CHD5: variants seen among roughly 807,000 people sequenced by gnomAD.
CHD5 encodes the protein ATP-dependent chromatin remodeler CHD5.
A neutral mutation model predicts 230.3 loss-of-function variants in CHD5; 69 were observed. The observed-to-expected ratio is 0.30, with a 90% CI of 0.25 to 0.37. The LOEUF (loss-of-function observed/expected upper bound fraction) is 0.37, where lower values mean the gene tolerates loss of function less well. Ranked by LOEUF, CHD5 falls within the 10% of genes least tolerant of loss-of-function variation. The probability of loss-of-function intolerance (pLI) is 1.00; values close to 1 mark genes in which losing one functional copy is unlikely to be tolerated. For missense variants in CHD5, 1,827 were observed against 2,622.8 expected (o/e 0.70, Z 6.63); for synonymous variants, 1,064 against 1,065.9 (o/e 1.00, Z 0.03).
intron 33 of CHD5, among the ~76,000 whole-genome samples, chr1:6,120,889 C>T (rs1324552458): frequency 2.0e-5 from 3 of 151,206 alleles, no homozygotes; most frequent in Admixed American, 6.6e-5. Flanking sequence ...GGTGACAGAG[C>T]GAAACCCTTT....
chr1:6,130,474 G>A lies in CHD5; in HGVS notation c.3263-146C>T, dbSNP rs1442650489. 1.3e-4 allele frequency: 102 copies of A among 774,154 alleles called. No individual in the cohort carries two copies. The highest frequency in any genetic ancestry group is 2.1e-4 in the Non-Finnish European group (101 of 488,584). 48.0% of individuals were successfully genotyped at this position (774,154 alleles called of 1,614,324 possible). Reference sequence around the variant, plus strand: ...AAAGCCGGAGACCCCATCAGAGACGGGTGGCCACAGCTGCACTCAGGGGAG... The same window carrying A: ...AAAGCCGGAGACCCCATCAGAGACGAGTGGCCACAGCTGCACTCAGGGGAG... On this transcript the variant is annotated intron_variant, in intron 21 of 41. Coordinates refer to ENST00000262450, the MANE Select transcript of CHD5 (RefSeq NM_015557.3). This position sits in a 1 kb window ranked among gnomAD's most constrained non-coding sequence, Gnocchi z 4.9.
chr1:6,171,644 G>C (rs147965519), intron 1 of CHD5, among the ~76,000 whole-genome samples: 2 of 152,332 alleles, frequency 1.3e-5, no homozygotes, highest in African/African-American at 4.8e-5. Context: ...GCAACTGCAC[G>C]GTCAGCCTTT....
At position 6,146,296 on chromosome 1, in the gene CHD5, G is replaced by T. The variant is rs780645925; in HGVS notation, c.1718C>A (p.Pro573His). The T allele has an allele frequency of 1.9e-6, 3 of 1,614,184 alleles. No homozygotes were observed. In the Admixed American group the frequency reaches 5.0e-5, roughly 27 times the overall value. ...GKSEKRKNKD[P>H]LYAKMEERFY... Reference sequence around the variant, plus strand: ...GCGCTCCTCCATCTTGGCATAGAGGGGGTCCTTGTTCTTCCTCTTCTCGCT... The same window carrying T: ...GCGCTCCTCCATCTTGGCATAGAGGTGGTCCTTGTTCTTCCTCTTCTCGCT... Residue 573 changes from proline (P) to histidine (H), a missense_variant, in exon 11 of 42, where the codon CCC becomes CAC. Coordinates refer to ENST00000262450, the MANE Select transcript of CHD5 (RefSeq NM_015557.3). This position sits in a 1 kb window ranked among gnomAD's most constrained non-coding sequence, Gnocchi z 5.1.
intron 35 of CHD5, 93 bp downstream of exon 35, chr1:6,112,047 T>A: frequency 2.7e-6 from 4 of 1,474,326 alleles, no homozygotes; most frequent in Non-Finnish European, 3.7e-6. Flanking sequence ...CATCAACCAG[T>A]CACACTCTAG....
chr1:6,113,005 G>A lies in CHD5; in HGVS notation c.4913-7C>T. The A allele has an allele frequency of 1.2e-6, 2 of 1,604,698 alleles. No homozygotes were observed. Among genetic ancestry groups the A allele is most frequent in the South Asian group, 2.2e-5 (2 of 90,912 alleles). ...TTCTCAGGAAGCACCTCCTCTGCAA[G>A]AAAAAGAGGGTTCGCGGCATGGGGT... On this transcript the variant is annotated splice_polypyrimidine_tract_variant and splice_region_variant and intron_variant, in intron 33 of 41. Coordinates refer to ENST00000262450, the MANE Select transcript of CHD5 (RefSeq NM_015557.3).
chr1:6,109,937 C>G lies in CHD5; in HGVS notation c.5436G>C (p.Leu1812=). The G allele has an allele frequency of 6.3e-7, 1 of 1,598,950 alleles. No homozygotes were observed. The highest frequency in any genetic ancestry group is 2.2e-5 in the East Asian group (1 of 44,788). Residue 1812 remains leucine (L), a synonymous_variant, in exon 38 of 42, where the codon CTG becomes CTC. Coordinates refer to ENST00000262450, the MANE Select transcript of CHD5 (RefSeq NM_015557.3). ...GGTGGTTGGGGTCCTGCGTCATGTT[C>G]AGGTACGCGGCCCTCCGGAGCTGCT... The part of the protein sequence containing the change: ...IEEQLRRAAY[L]NMTQDPNHPA...
At chr1:6,178,575 C>G (rs1483273851) in intron 1 of CHD5, among the ~76,000 whole-genome samples, 2 of 151,968 alleles carry the variant, frequency 1.3e-5, no homozygotes, top group Non-Finnish European at 2.9e-5. Context: ...GGTCTAATTC[C>G]AAGGACCCAG....
At chr1:6,170,508 G>A (rs2100884433) in intron 1 of CHD5, among the ~76,000 whole-genome samples, 1 of 152,306 alleles carries the variant, frequency 6.6e-6, no homozygotes, top group Non-Finnish European at 1.5e-5. Flanking sequence ...AGTGGAAGGT[G>A]TTTGCACCAG....
intron 15 of CHD5, among the ~76,000 whole-genome samples, chr1:6,141,518 G>C (rs953638643): frequency 6.6e-6 from 1 of 151,438 alleles, no homozygotes; most frequent in Non-Finnish European, 1.5e-5. Context: ...ACGAGGCTGA[G>C]GTGGGAGAAC....
intron 3 of CHD5, among the ~76,000 whole-genome samples, chr1:6,157,369 T>C (rs1385037726): frequency 6.6e-6 from 1 of 152,220 alleles, no homozygotes; most frequent in Non-Finnish European, 1.5e-5. Context: ...TGCTCAGCCA[T>C]GAGGGTGCCT....
At position 6,129,748 on chromosome 1, in the gene CHD5, C is replaced by T. The variant is rs1666624703; in HGVS notation, c.3387+456G>A. ...CCATACCCCTCCCCCCACAGCCCTT[C>T]CATCCTTCCTTACAGCCCCATCTGC... On this transcript the variant is annotated intron_variant, in intron 22 of 41. Transcript: ENST00000262450. The surrounding 1 kb of genome is among the most constrained non-coding windows in gnomAD (Gnocchi z 6.8). Among the ~76,000 whole-genome samples the T allele has an allele frequency of 1.3e-5, 2 of 152,084 alleles. No homozygotes were observed. The highest frequency in any genetic ancestry group is 2.1e-4 in the South Asian group (1 of 4,816).
At chr1:6,115,302 AATT>A (rs1445029368) in intron 33 of CHD5, among the ~76,000 whole-genome samples, 2 of 152,052 alleles carry the variant, frequency 1.3e-5, no homozygotes, top group Non-Finnish European at 2.9e-5. Context: ...TTAATTGCAG[AATT>A]TAATTGCAGA....
chr1:6,130,491 T>C lies in CHD5; in HGVS notation c.3263-163A>G, dbSNP rs1468603592. Among the ~76,000 whole-genome samples the C allele has an allele frequency of 6.6e-6, 1 of 151,976 alleles. No individual in the cohort carries two copies. Among genetic ancestry groups the C allele is most frequent in the African/African-American group, 2.4e-5 (1 of 41,356 alleles). On this transcript the variant is annotated intron_variant, in intron 21 of 41. Transcript: ENST00000262450. This position sits in a 1 kb window ranked among gnomAD's most constrained non-coding sequence, Gnocchi z 4.9. ...CAGAGACGGGTGGCCACAGCTGCAC[T>C]CAGGGGAGCCAGAGGAGGCCTGCCC...
rs371927488 is a variant in CHD5 at position 6,146,639 on chromosome 1, G to C, written c.1590+26C>G. Reference sequence around the variant, plus strand: ...AGGGCTCACCAGGTCCCGGGCCTTAGCACAGCCACCCTCCCGGGCACTCAC... The same window carrying C: ...AGGGCTCACCAGGTCCCGGGCCTTACCACAGCCACCCTCCCGGGCACTCAC... On this transcript the variant is annotated intron_variant, in intron 10 of 41. Coordinates refer to ENST00000262450, the MANE Select transcript of CHD5 (RefSeq NM_015557.3). The surrounding 1 kb of genome is among the most constrained non-coding windows in gnomAD (Gnocchi z 5.1). 1.9e-6 allele frequency: 3 copies of C among 1,611,400 alleles called. No individual in the cohort carries two copies. Among genetic ancestry groups the C allele is most frequent in the Non-Finnish European group, 2.5e-6 (3 of 1,178,050 alleles).
intron 1 of CHD5, among the ~76,000 whole-genome samples, chr1:6,179,240 T>C (rs982063866): frequency 2.6e-5 from 4 of 152,198 alleles, no homozygotes; most frequent in African/African-American, 9.6e-5. Context: ...GCCACCACCC[T>C]GGGCGATGGT....
At chr1:6,147,853 G>A (rs992563008) in intron 9 of CHD5, among the ~76,000 whole-genome samples, 4 of 152,156 alleles carry the variant, frequency 2.6e-5, no homozygotes, top group Admixed American at 2.0e-4. Flanking sequence ...AGAGGAGGAG[G>A]AGGAGGACAT....
Position 6,124,108 on chromosome 1 carries a change from C to A in CHD5, c.4540-1G>T. ...CGTTGACATGCTCAAACTCCTGAAC[C>A]TGGGGTGGTGGGAGGGAAGGTGGAA... On this transcript the variant is annotated splice_acceptor_variant, in intron 30 of 41. Coordinates refer to ENST00000262450, the MANE Select transcript of CHD5 (RefSeq NM_015557.3). LOFTEE classifies it high-confidence loss of function. 6.2e-7 allele frequency: 1 copy of A among 1,612,004 alleles called. No individual in the cohort carries two copies. The highest frequency in any genetic ancestry group is 8.5e-7 in the Non-Finnish European group (1 of 1,179,328).
rs942332841 is a variant in CHD5, at chr1:6,133,959, G to A, written c.3144+169C>T. On this transcript the variant is annotated intron_variant, in intron 20 of 41. Transcript: ENST00000262450. Reference sequence around the variant, plus strand: ...CAAATGTGTTCTGAGCTCCTCAGCCGCATTATGCCAGGGCACGGGGGAGTG... The same window carrying A: ...CAAATGTGTTCTGAGCTCCTCAGCCACATTATGCCAGGGCACGGGGGAGTG... Among the ~76,000 whole-genome samples the A allele has an allele frequency of 2.0e-5, 3 of 152,162 alleles. 1 individual carries two copies. In the East Asian group the frequency reaches 5.8e-4, roughly 29 times the overall value.
intron 33 of CHD5, among the ~76,000 whole-genome samples, chr1:6,119,442 G>A (rs1009281421): frequency 6.6e-6 from 1 of 152,142 alleles, no homozygotes; most frequent in African/African-American, 2.4e-5. Flanking sequence ...GGATAAGAGG[G>A]TTATTACACA....
Sources: gnomAD v4.1 joint callset for allele counts (sites outside exome capture counted in the v4.1 genomes callset) on GRCh38, gnomAD v4.1.1 for gene constraint, Gnocchi (gnomAD v3.1) non-coding constraint, MANE v1.5 for transcripts, NCBI Gene and HGNC (gene_info 2026-07-23, HGNC 2026-07-21) for gene names.